PDE8B: variants seen among roughly 807,000 people sequenced by gnomAD.
PDE8B encodes phosphodiesterase 8B.
PDE8B carries 26 observed loss-of-function variants against 101.3 expected under a neutral mutation model. The observed-to-expected ratio is 0.26, with a 90% CI of 0.19 to 0.36. The LOEUF is 0.36. Ranked by LOEUF, PDE8B falls within the 10% of genes least tolerant of loss-of-function variation. The probability of loss-of-function intolerance (pLI) is 1.00; values close to 1 mark genes in which losing one functional copy is unlikely to be tolerated. For synonymous variants in PDE8B, 424 were observed against 429.3 expected, an observed-to-expected ratio of 0.99 and a Z score of 0.15; for missense variants, 810 against 1,163.1, an observed-to-expected ratio of 0.70 and a Z score of 4.42.
intron 11 of PDE8B, among the ~76,000 whole-genome samples, chr5:77,403,752 G>C (rs1214380950): frequency 1.3e-5 from 2 of 151,920 alleles, no homozygotes; most frequent in Non-Finnish European, 2.9e-5. Flanking sequence ...CTTTATAATA[G>C]TTCCACCTTT....
At chr5:77,367,310 G>A (rs1459411146) in intron 10 of PDE8B, among the ~76,000 whole-genome samples, 1 of 152,110 alleles carries the variant, frequency 6.6e-6, no homozygotes, top group Admixed American at 6.5e-5. Context: ...GTACACTCTG[G>A]TTCCTCTTGA....
the PDE8B span, among the ~76,000 whole-genome samples, chr5:77,180,831 G>A: frequency 1.3e-5 from 2 of 152,210 alleles, no homozygotes; most frequent in Non-Finnish European, 2.9e-5. Flanking sequence ...GGCTGCTGTT[G>A]CGCCTGGTGT....
At chr5:77,382,437 T>C (rs1486725598) in intron 10 of PDE8B, among the ~76,000 whole-genome samples, 1 of 152,208 alleles carries the variant, frequency 6.6e-6, no homozygotes, top group Non-Finnish European at 1.5e-5. Flanking sequence ...GTTTTTAACT[T>C]TTTTTTAATT....
At chr5:77,423,663 A>C (rs1797247433) in intron 20 of PDE8B, among the ~76,000 whole-genome samples, 1 of 48,028 alleles carries the variant, frequency 2.1e-5, no homozygotes, top group Non-Finnish European at 4.3e-5. Flanking sequence ...TTTTTTTGAG[A>C]CAGTCTTGCT....
the PDE8B span, chr5:77,141,300 T>C: frequency 6.6e-6 from 1 of 152,214 alleles, no homozygotes; most frequent in African/African-American, 2.4e-5. Context: ...ATTTAATACA[T>C]ATGTATCAAA....
intron 4 of PDE8B, among the ~76,000 whole-genome samples, chr5:77,330,426 A>G (rs1776901341): frequency 1.3e-5 from 2 of 152,236 alleles, no homozygotes; most frequent in Admixed American, 6.5e-5. Flanking sequence ...GAGAGTAGTA[A>G]TAAAATGAAT....
At chr5:77,193,364 G>A in the PDE8B span, among the ~76,000 whole-genome samples, 1 of 151,944 alleles carries the variant, frequency 6.6e-6, no homozygotes, top group African/African-American at 2.4e-5. Flanking sequence ...GAAGGATTTT[G>A]TTTTTTTGCT....
At chr5:77,239,479 C>T (rs1561396780) in intron 1 of PDE8B, among the ~76,000 whole-genome samples, 1 of 152,214 alleles carries the variant, frequency 6.6e-6, no homozygotes, top group Non-Finnish European at 1.5e-5. Context: ...CCAAGCACTT[C>T]CTTGTTTGCA....
the PDE8B span, among the ~76,000 whole-genome samples, chr5:77,110,956 C>G: frequency 4.6e-5 from 7 of 152,168 alleles, no homozygotes; most frequent in Admixed American, 3.9e-4. Flanking sequence ...ATTCAACACC[C>G]CTTCATGATA....
chr5:77,317,245 C>G (rs1207429648), intron 2 of PDE8B, among the ~76,000 whole-genome samples: 1 of 152,130 alleles, frequency 6.6e-6, no homozygotes, highest in Non-Finnish European at 1.5e-5. Flanking sequence ...AAGCTATGTC[C>G]TAATGTTTTT....
At chr5:77,371,684 T>A (rs1785107222) in intron 10 of PDE8B, among the ~76,000 whole-genome samples, 4 of 152,252 alleles carry the variant, frequency 2.6e-5, no homozygotes, top group Admixed American at 2.6e-4. Flanking sequence ...AGAGAATTGA[T>A]ATTTGATGAT....
At chr5:77,262,554 C>G (rs926556231) in intron 1 of PDE8B, among the ~76,000 whole-genome samples, 1 of 152,182 alleles carries the variant, frequency 6.6e-6, no homozygotes, top group Non-Finnish European at 1.5e-5. Flanking sequence ...ATAGTTGTAC[C>G]TTATTATCAG....
At chr5:77,405,637 C>T (rs942014495) in intron 12 of PDE8B, among the ~76,000 whole-genome samples, 3 of 151,910 alleles carry the variant, frequency 2.0e-5, no homozygotes, top group African/African-American at 7.3e-5. Flanking sequence ...TAGTCTCAGC[C>T]AGGGGGTGGG....
At chr5:77,297,553 G>A (rs1768878984) in intron 1 of PDE8B, among the ~76,000 whole-genome samples, 3 of 152,232 alleles carry the variant, frequency 2.0e-5, no homozygotes, top group African/African-American at 4.8e-5. Context: ...TGAGAACCAC[G>A]GGGATCATTG....
chr5:77,284,675 A>C (rs1765649377), intron 1 of PDE8B, among the ~76,000 whole-genome samples: 1 of 152,174 alleles, frequency 6.6e-6, no homozygotes, highest in Admixed American at 6.5e-5. Context: ...ACACTTTTAA[A>C]ACCATAGGGT....
chr5:77,384,546 G>A (rs897985596), intron 10 of PDE8B, among the ~76,000 whole-genome samples: 1 of 152,152 alleles, frequency 6.6e-6, no homozygotes, highest in Non-Finnish European at 1.5e-5. Flanking sequence ...TCCTTGTCTT[G>A]TGCTGGTTTT....
At chr5:77,398,318 C>CTTTTTTTT (rs70988672) in intron 10 of PDE8B, among the ~76,000 whole-genome samples, 1 of 115,994 alleles carries the variant, frequency 8.6e-6, no homozygotes, top group Non-Finnish European at 1.7e-5. Context: ...AGCTGTTTTA[C>CTTTTTTTT]TTTTTTTTTT....
At chr5:77,403,525 A>G (rs1212059730) in intron 11 of PDE8B, among the ~76,000 whole-genome samples, 2 of 152,150 alleles carry the variant, frequency 1.3e-5, no homozygotes, top group Non-Finnish European at 2.9e-5. Flanking sequence ...AAATATCCCC[A>G]TTTAAAAGCC....
chr5:77,354,752 T>A (rs896146416), intron 10 of PDE8B, among the ~76,000 whole-genome samples: 1 of 152,184 alleles, frequency 6.6e-6, no homozygotes, highest in Non-Finnish European at 1.5e-5. Flanking sequence ...GCCTTGCTCC[T>A]CTTCCTTACC....
Sources: allele counts gnomAD v4.1 joint callset (sites outside exome capture counted in the v4.1 genomes callset), GRCh38; gene constraint gnomAD v4.1.1; transcripts MANE v1.5; gene names NCBI Gene and HGNC (gene_info 2026-07-23, HGNC 2026-07-21).